Variants in TANC2 observed in about 807,000 individuals in gnomAD.
TANC2 encodes tetratricopeptide repeat, ankyrin repeat and coiled-coil containing 2.
TANC2 carries 26 observed loss-of-function variants against 210.5 expected under a neutral mutation model. That is an observed-to-expected ratio of 0.12 (90% CI 0.09 to 0.17). The LOEUF (loss-of-function observed/expected upper bound fraction) is 0.17, where lower values mean the gene tolerates loss of function less well. Among genes scored for constraint, TANC2 ranks in the 10% least tolerant of loss-of-function variants. The pLI is 1.00. For synonymous variants in TANC2, 931 were observed against 967.1 expected (o/e 0.96, Z 0.69); for missense variants, 2,129 against 2,608.9 (o/e 0.82, Z 4.01).
chr17:63,411,059 G>T (rs1239292278), intron 21 of TANC2, among the ~76,000 whole-genome samples: 2 of 152,056 alleles, frequency 1.3e-5, no homozygotes, highest in Non-Finnish European at 2.9e-5. Context: ...AGAATGAGAA[G>T]TGAGGCAAGT....
intron 21 of TANC2, among the ~76,000 whole-genome samples, chr17:63,407,684 C>T (rs17687734): frequency 0.081 from 12,330 of 152,180 alleles, 643 homozygotes; most frequent in Middle Eastern, 0.13. Flanking sequence ...TACACTATAA[C>T]CTGTGCCCTC....
At chr17:63,294,586 G>T (rs2044478162) in intron 9 of TANC2, among the ~76,000 whole-genome samples, 1 of 152,024 alleles carries the variant, frequency 6.6e-6, no homozygotes, top group South Asian at 2.1e-4. Context: ...AAAATTTCCA[G>T]ATATACAAAA....
At chr17:63,254,462 A>G (rs996795191) in intron 8 of TANC2, among the ~76,000 whole-genome samples, 10 of 152,212 alleles carry the variant, frequency 6.6e-5, no homozygotes, top group Admixed American at 2.6e-4. Flanking sequence ...TGGATGCCCT[A>G]TATTTCTTTC....
chr17:63,230,776 A>G (rs1190668399), intron 7 of TANC2, among the ~76,000 whole-genome samples: 1 of 152,212 alleles, frequency 6.6e-6, no homozygotes, highest in African/African-American at 2.4e-5. Flanking sequence ...GTAGCTATCT[A>G]TCAGATCCAC....
chr17:63,197,554 A>G (rs1345224409), intron 6 of TANC2: 1 of 152,240 alleles, frequency 6.6e-6, no homozygotes, highest in Non-Finnish European at 1.5e-5. Flanking sequence ...TAGTAATGAC[A>G]GAATCTAATG....
At chr17:63,010,227 T>C (rs2033804522) in intron 2 of TANC2, among the ~76,000 whole-genome samples, 1 of 152,136 alleles carries the variant, frequency 6.6e-6, no homozygotes, top group South Asian at 2.1e-4. Context: ...TTTTCTGCAG[T>C]TTATAAATTT....
At chr17:63,246,515 C>A (rs2042924310) in intron 8 of TANC2, among the ~76,000 whole-genome samples, 1 of 152,038 alleles carries the variant, frequency 6.6e-6, no homozygotes, top group South Asian at 2.1e-4. Flanking sequence ...CACTAATTGA[C>A]AGAGTCTATA....
At chr17:63,126,415 G>A (rs992406691) in intron 4 of TANC2, among the ~76,000 whole-genome samples, 4 of 151,888 alleles carry the variant, frequency 2.6e-5, no homozygotes, top group African/African-American at 7.3e-5. Flanking sequence ...AGTTGTTGCT[G>A]CTGTTGTTTT....
chr17:63,073,871 T>C, intron 2 of TANC2, 72 bp from the exon 3 acceptor site: 1 of 1,227,932 alleles, frequency 8.1e-7, no homozygotes, highest in Non-Finnish European at 1.2e-6. Context: ...GTTTTAAATG[T>C]AGATAATGTC....
chr17:63,247,657 A>G (rs1286819593), intron 8 of TANC2, among the ~76,000 whole-genome samples: 1 of 152,088 alleles, frequency 6.6e-6, no homozygotes, highest in African/African-American at 2.4e-5. Flanking sequence ...TTAGATTCTT[A>G]AGCAGTACTT....
intron 2 of TANC2, among the ~76,000 whole-genome samples, chr17:63,067,316 T>C (rs1457066029): frequency 6.6e-6 from 1 of 152,188 alleles, no homozygotes; most frequent in Non-Finnish European, 1.5e-5. Context: ...ACAAAGATTT[T>C]AATGCAACTA....
At chr17:63,272,346 G>T (rs878937394) in intron 9 of TANC2, among the ~76,000 whole-genome samples, 1 of 152,072 alleles carries the variant, frequency 6.6e-6, no homozygotes, top group Admixed American at 6.6e-5. Context: ...ATGCTGTTTT[G>T]GTTATTGCAG....
At chr17:63,220,718 A>T (rs373494285) in intron 7 of TANC2, among the ~76,000 whole-genome samples, 1 of 127,842 alleles carries the variant, frequency 7.8e-6, no homozygotes, top group East Asian at 2.2e-4. Flanking sequence ...AAAAAAAAAA[A>T]AATATATATA....
At chr17:63,126,594 A>T (rs950972743) in intron 4 of TANC2, among the ~76,000 whole-genome samples, 1 of 152,020 alleles carries the variant, frequency 6.6e-6, no homozygotes, top group African/African-American at 2.4e-5. Context: ...TTTTTAATAG[A>T]GATGGAGTTT....
chr17:63,169,635 G>A (rs998042161), intron 5 of TANC2, among the ~76,000 whole-genome samples: 25 of 152,022 alleles, frequency 1.6e-4, no homozygotes, highest in African/African-American at 6.0e-4. Flanking sequence ...CCAACATGGT[G>A]AAACCCCGTC....
intron 4 of TANC2, chr17:63,148,577 T>C (rs2039541620): frequency 6.6e-6 from 1 of 152,190 alleles, no homozygotes; most frequent in South Asian, 2.1e-4. Context: ...TAAGAATCGA[T>C]GTTCCCAGTG....
At chr17:63,020,326 C>A (rs1485281556) in intron 2 of TANC2, among the ~76,000 whole-genome samples, 1 of 151,660 alleles carries the variant, frequency 6.6e-6, no homozygotes, top group Non-Finnish European at 1.5e-5. Context: ...TTTTTCAAGA[C>A]AGAGTCTTGC....
intron 2 of TANC2, among the ~76,000 whole-genome samples, chr17:63,056,095 C>A (rs1391379872): frequency 7.3e-6 from 1 of 137,506 alleles, no homozygotes; most frequent in Non-Finnish European, 1.6e-5. Context: ...CACATGAGCC[C>A]ACCCAGGAGG....
At chr17:63,425,495 A>AT (rs1568014483) in exon 28 of TANC2, 1 of 152,238 alleles carries the variant, frequency 6.6e-6, no homozygotes, top group East Asian at 1.9e-4. Context: ...TTTAATATCC[A>AT]TAAGTATTTT....
Sources: allele counts gnomAD v4.1 joint callset (sites outside exome capture counted in the v4.1 genomes callset), GRCh38; gene constraint gnomAD v4.1.1; transcripts MANE v1.5; gene names NCBI Gene and HGNC (gene_info 2026-07-23, HGNC 2026-07-21).